RGS3: variants seen among roughly 807,000 people sequenced by gnomAD.
RGS3 encodes regulator of G-protein signalling 3.
In RGS3, 80 loss-of-function variants were observed where a neutral mutation model predicts 132.6. The ratio of observed to expected loss-of-function variants is 0.60; its 90% CI spans 0.50 to 0.73. The LOEUF (loss-of-function observed/expected upper bound fraction) is 0.73, where lower values mean the gene tolerates loss of function less well. Among genes scored for constraint, RGS3 ranks in the 30% least tolerant of loss-of-function variants. RGS3 has a pLI of 0.00. For missense variants in RGS3, 1,382 were observed against 1,530.8 expected, an observed-to-expected ratio of 0.90 and a Z score of 1.62; for synonymous variants, 598 against 620.6, an observed-to-expected ratio of 0.96 and a Z score of 0.54.
intron 19 of RGS3, among the ~76,000 whole-genome samples, chr9:113,563,040 C>T (rs1432603387): frequency 6.6e-6 from 1 of 152,234 alleles, no homozygotes; most frequent in Non-Finnish European, 1.5e-5. Flanking sequence ...CCCCAGGGCT[C>T]CTCCAGCCAT....
intron 4 of RGS3, among the ~76,000 whole-genome samples, chr9:113,479,903 C>T (rs1282388289): frequency 6.6e-6 from 1 of 152,092 alleles, no homozygotes; most frequent in Non-Finnish European, 1.5e-5. Context: ...TTTTCTCACT[C>T]ATTCATTTAT....
intron 20 of RGS3, among the ~76,000 whole-genome samples, chr9:113,586,745 C>A (rs529341098): frequency 6.6e-6 from 1 of 152,232 alleles, no homozygotes; most frequent in East Asian, 1.9e-4. Context: ...GGACAAACAC[C>A]GTGGTCTAGC....
chr9:113,526,584 T>A (rs1289998166), intron 17 of RGS3, among the ~76,000 whole-genome samples: 1 of 152,186 alleles, frequency 6.6e-6, no homozygotes, highest in Non-Finnish European at 1.5e-5. Flanking sequence ...ATGGGGACAA[T>A]ACCCCTTCTG....
chr9:113,573,884 C>T (rs9785310), intron 19 of RGS3, among the ~76,000 whole-genome samples: 2,243 of 152,266 alleles, frequency 0.015, 62 homozygotes, highest in African/African-American at 0.051. Context: ...GAAGTGAAGA[C>T]GGCAGGAAAG....
intron 11 of RGS3, among the ~76,000 whole-genome samples, chr9:113,505,995 C>T (rs1404754498): frequency 1.4e-4 from 22 of 152,122 alleles, no homozygotes; most frequent in Admixed American, 1.4e-3. Context: ...AGTGCCTACA[C>T]AAGGGTGGGC....
intron 5 of RGS3, among the ~76,000 whole-genome samples, chr9:113,483,378 T>G (rs1023947143): frequency 6.6e-6 from 1 of 152,212 alleles, no homozygotes; most frequent in Non-Finnish European, 1.5e-5. Context: ...GCAGTGAGTA[T>G]GTGGATGGCT....
intron 1 of RGS3, among the ~76,000 whole-genome samples, chr9:113,454,747 C>T (rs1297667943): frequency 6.7e-6 from 1 of 149,870 alleles, no homozygotes; most frequent in African/African-American, 2.5e-5. Flanking sequence ...TGATTATTCC[C>T]CACAACTGAG....
chr9:113,501,950 A>G (rs77162135), intron 10 of RGS3, among the ~76,000 whole-genome samples: 5,568 of 152,274 alleles, frequency 0.037, 331 homozygotes, highest in African/African-American at 0.12. Flanking sequence ...AGCTGGGAGC[A>G]GAGTTTGTAT....
chr9:113,530,535 T>C (rs970804200), intron 18 of RGS3, among the ~76,000 whole-genome samples: 1 of 152,236 alleles, frequency 6.6e-6, no homozygotes. Context: ...ATGACCAGGC[T>C]AGGCTCTTCC....
chr9:113,493,835 A>G (rs925858947), intron 7 of RGS3, among the ~76,000 whole-genome samples: 1 of 152,056 alleles, frequency 6.6e-6, no homozygotes, highest in Non-Finnish European at 1.5e-5. Context: ...TTTGTGGTAC[A>G]CTTCTGGATA....
chr9:113,515,246 G>A (rs1228345065), intron 15 of RGS3, among the ~76,000 whole-genome samples: 12 of 152,122 alleles, frequency 7.9e-5, no homozygotes, highest in Non-Finnish European at 7.4e-5. Flanking sequence ...CCAGGAGTTC[G>A]AGGTTACAAT....
In RGS3 at chr9:113,554,900, G is replaced by A. The variant is rs1464449704; in HGVS notation, c.2037+17982G>A. Reference sequence around the variant, plus strand: ...GGTCTTTCCTACCCCTAGATTATGAGAAATATTCATCTAAATTTTATTCAG... The same window carrying A: ...GGTCTTTCCTACCCCTAGATTATGAAAAATATTCATCTAAATTTTATTCAG... On this transcript the variant is annotated intron_variant, in intron 19 of 24. Coordinates refer to ENST00000350696, the Ensembl canonical transcript of RGS3. Among the ~76,000 whole-genome samples, 10 of 152,130 alleles carry A rather than the reference G, an allele frequency of 6.6e-5. No homozygotes were observed. The East Asian group carries it at 1.7e-3, about 26-fold the overall frequency.
chr9:113,553,441 T>TAAAAAAAAAAAAAAA (rs66536651), intron 19 of RGS3, among the ~76,000 whole-genome samples: 2 of 20,426 alleles, frequency 9.8e-5, no homozygotes, highest in African/African-American at 1.7e-4. Flanking sequence ...AAACTCTGTT[T>TAAAAAAAAAAAAAAA]AAAAAAAAAA....
rs1380589888 is a variant in RGS3 at position 113,565,473 on chromosome 9, T to C, written c.2038-17977T>C. The C allele has an allele frequency of 1.1e-6, 1 of 941,384 alleles. No homozygotes were observed. The highest frequency in any genetic ancestry group is 1.5e-6 in the Non-Finnish European group (1 of 681,402). The allele number at this position is 941,384 out of a possible 1,614,324, so 58.3% of individuals were successfully genotyped here. On this transcript the variant is annotated intron_variant, in intron 19 of 24. Coordinates refer to ENST00000350696, the Ensembl canonical transcript of RGS3. The surrounding 1 kb of genome is among the most constrained non-coding windows in gnomAD (Gnocchi z 5.7). ...AAGGGTTTTGAAAGCGCTACCTAGA[T>C]GTGGGAGGTGGAACCTGGTCATTTG...
intron 17 of RGS3, among the ~76,000 whole-genome samples, chr9:113,526,201 T>G (rs1392371865): frequency 6.6e-6 from 1 of 152,212 alleles, no homozygotes; most frequent in South Asian, 2.1e-4. Context: ...TTTTGCTGAT[T>G]ATTAGGCTCT....
At chr9:113,456,892 C>G (rs112820456), upstream of RGS3, among the ~76,000 whole-genome samples, 1 of 152,102 alleles carries the variant, frequency 6.6e-6, no homozygotes, top group Non-Finnish European at 1.5e-5. Context: ...CCTCTGCCTC[C>G]GGGTTCAAGC....
At chr9:113,567,266 A>C (rs1486107788) in intron 19 of RGS3, among the ~76,000 whole-genome samples, 1 of 134,588 alleles carries the variant, frequency 7.4e-6, no homozygotes, top group African/African-American at 2.9e-5. Flanking sequence ...TATTTTATCC[A>C]AACTTCCACA....
intron 3 of RGS3, among the ~76,000 whole-genome samples, chr9:113,471,682 T>C (rs981439019): frequency 4.6e-5 from 7 of 151,924 alleles, no homozygotes; most frequent in Non-Finnish European, 1.0e-4. Flanking sequence ...CCTCCTTTCT[T>C]TCTCCCTGCC....
intron 6 of RGS3, among the ~76,000 whole-genome samples, chr9:113,484,802 G>A (rs1297389740): frequency 6.6e-6 from 1 of 152,126 alleles, no homozygotes; most frequent in Non-Finnish European, 1.5e-5. Flanking sequence ...GGAAGGTAAT[G>A]TACATTTTGT....
Sources: allele counts gnomAD v4.1 joint callset (sites outside exome capture counted in the v4.1 genomes callset), GRCh38; gene constraint gnomAD v4.1.1; non-coding constraint Gnocchi (gnomAD v3.1); transcripts MANE v1.5; gene names NCBI Gene and HGNC (gene_info 2026-07-23, HGNC 2026-07-21).